The following TNKS2 variants were observed in gnomAD, a reference collection of about 807,000 sequenced individuals.
TNKS2 encodes the protein tankyrase 2, also known as poly [ADP-ribose] polymerase tankyrase-2.
Under a neutral mutation model 137.6 loss-of-function variants are expected in TNKS2, and 72 were observed. The ratio of observed to expected loss-of-function variants is 0.52; its 90% confidence interval spans 0.43 to 0.64. The LOEUF (loss-of-function observed/expected upper bound fraction) is 0.64. Among genes scored for constraint, TNKS2 ranks in the 30% least tolerant of loss-of-function variants. TNKS2 has a pLI of 0.00. For missense variants in TNKS2, 1,049 were observed against 1,410.2 expected, an observed-to-expected ratio of 0.74 and a Z score of 4.10; for synonymous variants, 516 against 512.1, an observed-to-expected ratio of 1.01 and a Z score of -0.10.
At position 91,845,835 on chromosome 10, in the gene TNKS2, A is replaced by G. The variant is rs751129933; in HGVS notation, c.2253A>G (p.Glu751=). The G allele has an allele frequency of 6.2e-7, 1 of 1,610,740 alleles. No individual in the cohort carries two copies. Among genetic ancestry groups the G allele is most frequent in the Non-Finnish European group, 8.5e-7 (1 of 1,177,402 alleles). ...TDKWAFTPLH[E]AAQKGRTQLC... ...AATGGGCTTTCACACCTTTGCACGAAGCAGCCCAAAAGGGACGAACACAGC... is the reference window on the plus strand; with the variant it reads ...AATGGGCTTTCACACCTTTGCACGAGGCAGCCCAAAAGGGACGAACACAGC... The change falls in exon 18 of 27, where the codon GAA becomes GAG. Residue 751 remains glutamate (E), a synonymous_variant. Coordinates refer to ENST00000371627, the MANE Select transcript of TNKS2 (RefSeq NM_025235.4).
Position 91,841,316 on chromosome 10 carries a change from T to C in TNKS2, c.1707T>C (p.Tyr569=), listed in dbSNP as rs776480536. The C allele has an allele frequency of 8.1e-6, 13 of 1,600,022 alleles. No homozygotes were observed. The highest frequency in any genetic ancestry group is 1.7e-4 in the Middle Eastern group (1 of 6,026). Residue 569 remains tyrosine (Y), a synonymous_variant, in exon 15 of 27, where the codon TAT becomes TAC. Coordinates refer to ENST00000371627, the MANE Select transcript of TNKS2 (RefSeq NM_025235.4). The stretch of plus-strand genomic sequence containing the variant: ...TACCTTTGCACAATGCATGTTCTTA[T>C]GGACATTATGAAGTTGCAGAACTTC... ...GLVPLHNACS[Y]GHYEVAELLV...
intron 6 of TNKS2, among the ~76,000 whole-genome samples, chr10:91,821,767 G>A (rs1844899178): frequency 6.6e-6 from 1 of 152,186 alleles, no homozygotes; most frequent in Non-Finnish European, 1.5e-5. Context: ...ACAAAGGAGG[G>A]AGGGAAATCT....
At position 91,851,896 on chromosome 10, in the gene TNKS2, C is replaced by G. The variant is rs926394680; in HGVS notation, c.2815+560C>G. ...AAGGAAAATGCAAATTGCATTTATT[C>G]AGCAGATGTTAACACTTTATACCAG... On this transcript the variant is annotated intron_variant, in intron 21 of 26. Coordinates refer to ENST00000371627, the MANE Select transcript of TNKS2 (RefSeq NM_025235.4). 2.0e-5 allele frequency among the ~76,000 whole-genome samples: 3 copies of G among 152,296 alleles called. No individual in the cohort carries two copies. In the East Asian group the frequency reaches 5.8e-4, roughly 29 times the overall value.
chr10:91,847,426 A>G (rs904781136), intron 18 of TNKS2, among the ~76,000 whole-genome samples: 1 of 152,042 alleles, frequency 6.6e-6, no homozygotes, highest in Non-Finnish European at 1.5e-5. Flanking sequence ...GTGCAGTGGC[A>G]CAATCTGGGC....
chr10:91,799,864 G>A (rs1245291004), intron 1 of TNKS2, among the ~76,000 whole-genome samples: 9 of 152,142 alleles, frequency 5.9e-5, no homozygotes, highest in Non-Finnish European at 1.3e-4. Flanking sequence ...TGTATTTCAT[G>A]ATTGTTTAAA....
At chr10:91,834,538 T>C (rs1841937256) in intron 12 of TNKS2, among the ~76,000 whole-genome samples, 1 of 152,246 alleles carries the variant, frequency 6.6e-6, no homozygotes, top group Non-Finnish European at 1.5e-5. Flanking sequence ...TGTCTACATC[T>C]CTACTTTTAT....
At chr10:91,861,739 G>A (rs899148879) in intron 25 of TNKS2, among the ~76,000 whole-genome samples, 9 of 152,004 alleles carry the variant, frequency 5.9e-5, no homozygotes, top group African/African-American at 2.2e-4. Flanking sequence ...CAAACAAGGT[G>A]GTAGAGTCTG....
intron 9 of TNKS2, among the ~76,000 whole-genome samples, chr10:91,828,884 CTG>C (rs1322183905): frequency 6.6e-6 from 1 of 151,898 alleles, no homozygotes; most frequent in African/African-American, 2.4e-5. Flanking sequence ...GTAATAATAA[CTG>C]TGGAACTATG....
intron 5 of TNKS2, 65 bp from the exon 6 acceptor site, chr10:91,819,874 T>TC (rs1461867213): frequency 1.5e-6 from 2 of 1,318,878 alleles, no homozygotes; most frequent in East Asian, 2.5e-5. Context: ...TTGGGTTTTT[T>TC]CCCTCTCACA....
intron 3 of TNKS2, among the ~76,000 whole-genome samples, chr10:91,818,105 T>A (rs1844770534): frequency 6.6e-6 from 1 of 152,244 alleles, no homozygotes; most frequent in Non-Finnish European, 1.5e-5. Context: ...TATCAATCAG[T>A]GTTCATTTTC....
At chr10:91,806,019 G>C (rs1365484901) in intron 1 of TNKS2, among the ~76,000 whole-genome samples, 1 of 147,470 alleles carries the variant, frequency 6.8e-6, no homozygotes, top group African/African-American at 2.5e-5. Flanking sequence ...TTCCTACTTG[G>C]CTTCTGCAAT....
In TNKS2 at chr10:91,823,380, T is replaced by C. The variant is rs529024170; in HGVS notation, c.795+1018T>C. Among the ~76,000 whole-genome samples the C allele has an allele frequency of 2.2e-4, 29 of 129,322 alleles. 1 individual carries two copies. The highest frequency in any genetic ancestry group is 8.5e-4 in the African/African-American group (29 of 34,042). The allele number at this position is 129,322 out of a possible 152,430, so 84.8% of individuals were successfully genotyped here. The stretch of plus-strand genomic sequence containing the variant: ...TCTCGCTCTGTCGCCCAGGCTGGAG[T>C]GCAGTGGCGCAATCTCGGCTCACTG... On this transcript the variant is annotated intron_variant, in intron 7 of 26. Transcript: ENST00000371627.
chr10:91,856,854 G>A (rs1842720477), intron 23 of TNKS2, among the ~76,000 whole-genome samples: 1 of 152,120 alleles, frequency 6.6e-6, no homozygotes, highest in Non-Finnish European at 1.5e-5. Flanking sequence ...TTTAAACACA[G>A]CTAAGAAACA....
At chr10:91,840,853 T>A (rs1320950105) in intron 14 of TNKS2, 147 bp downstream of exon 14, 3 of 780,548 alleles carry the variant, frequency 3.8e-6, no homozygotes, top group Non-Finnish European at 5.8e-6. Flanking sequence ...TTAATTTCAA[T>A]TAAGATTTTA....
rs1364943372 is a variant in TNKS2 at position 91,798,630 on chromosome 10, G to C, written c.-61G>C. 2 of 1,209,896 alleles carry C rather than the reference G, an allele frequency of 1.7e-6. No individual in the cohort carries two copies. Among genetic ancestry groups the C allele is most frequent in the African/African-American group, 1.6e-5 (1 of 63,420 alleles). 74.9% of individuals were successfully genotyped at this position (1,209,896 alleles called of 1,614,324 possible). On this transcript the variant is annotated 5_prime_UTR_variant, in exon 1 of 27. Coordinates refer to ENST00000371627, the MANE Select transcript of TNKS2 (RefSeq NM_025235.4). ...CGGGGGGCCTCGCCCTCCTGCTCGCGGGGCCGGGGCTCCTGCTCCGGTTGC... is the reference window on the plus strand; with the variant it reads ...CGGGGGGCCTCGCCCTCCTGCTCGCCGGGCCGGGGCTCCTGCTCCGGTTGC...
At chr10:91,837,516 C>A (rs1842064222) in intron 13 of TNKS2, among the ~76,000 whole-genome samples, 1 of 152,188 alleles carries the variant, frequency 6.6e-6, no homozygotes, top group African/African-American at 2.4e-5. Flanking sequence ...CGACAAGAGT[C>A]TTCCCCAGAG....
intron 6 of TNKS2, 105 bp from the exon 7 acceptor site, chr10:91,822,191 A>G: frequency 4.7e-6 from 4 of 854,998 alleles, no homozygotes; most frequent in Non-Finnish European, 5.4e-6. Context: ...CACATAATCC[A>G]TTTGCTATTT....
chr10:91,834,762 G>T (rs1045239573), intron 12 of TNKS2, among the ~76,000 whole-genome samples: 1 of 152,304 alleles, frequency 6.6e-6, no homozygotes, highest in Admixed American at 6.5e-5. Flanking sequence ...CTGTTTTGAA[G>T]ATCCCCATTA....
At chr10:91,834,338 T>TAAAA (rs1326815571) in intron 12 of TNKS2, among the ~76,000 whole-genome samples, 1 of 152,200 alleles carries the variant, frequency 6.6e-6, no homozygotes, top group Non-Finnish European at 1.5e-5. Context: ...AAGGAATTTT[T>TAAAA]AGATCCTACA....
Sources: allele counts gnomAD v4.1 joint callset (sites outside exome capture counted in the v4.1 genomes callset), GRCh38; gene constraint gnomAD v4.1.1; transcripts MANE v1.5; gene names NCBI Gene and HGNC (gene_info 2026-07-23, HGNC 2026-07-21).